The following PALM2AKAP2 variants were observed in gnomAD, a reference collection of about 807,000 sequenced individuals.
PALM2AKAP2 encodes the protein PALM2 and AKAP2 fusion, also known as PALM2-AKAP2 fusion protein.
Under a neutral mutation model 71.5 loss-of-function variants are expected in PALM2AKAP2, and 37 were observed. That is an observed-to-expected ratio of 0.52 (90% CI 0.40 to 0.68). The LOEUF is 0.68. Ranked by LOEUF, PALM2AKAP2 falls within the 30% of genes least tolerant of loss-of-function variation. The pLI, the probability that PALM2AKAP2 is intolerant of heterozygous loss-of-function variation, is 0.00. For synonymous variants in PALM2AKAP2, 468 were observed against 478.8 expected (o/e 0.98, Z 0.29); for missense variants, 1,224 against 1,191.8 (o/e 1.03, Z -0.40).
intron 6 of PALM2AKAP2, among the ~76,000 whole-genome samples, chr9:109,975,740 G>A (rs1178893894): frequency 2.0e-5 from 3 of 152,176 alleles, no homozygotes; most frequent in African/African-American, 7.2e-5. Flanking sequence ...CGAGGGTTAT[G>A]GGCAGAGAAC....
intron 1 of PALM2AKAP2, among the ~76,000 whole-genome samples, chr9:109,811,076 T>C (rs1827715562): frequency 6.6e-6 from 1 of 152,206 alleles, no homozygotes; most frequent in Non-Finnish European, 1.5e-5. Flanking sequence ...GTAATTGATC[T>C]AAGGCAATGC....
intron 1 of PALM2AKAP2, among the ~76,000 whole-genome samples, chr9:109,847,242 A>C (rs10816895): frequency 0.14 from 21,351 of 152,060 alleles, 1,893 homozygotes; most frequent in East Asian, 0.27. Context: ...GTATAGGGAG[A>C]TCTGACAGAT....
intron 2 of PALM2AKAP2, among the ~76,000 whole-genome samples, chr9:109,878,418 T>C (rs928558959): frequency 2.6e-5 from 4 of 152,174 alleles, no homozygotes; most frequent in Non-Finnish European, 5.9e-5. Flanking sequence ...ACTCAAGTCT[T>C]TAAGCCTAAT....
In PALM2AKAP2 at chr9:109,871,321, C is replaced by T. The variant is rs1430642289; in HGVS notation, c.126+3750C>T. On this transcript the variant is annotated intron_variant, in intron 2 of 9. Coordinates refer to the PALM2AKAP2 transcript ENST00000302798. ...AATGGTAAAATACTAACTGCTACAT[C>T]CCAGTGATTAGGAAACCTCAAGATA... 2.0e-5 allele frequency among the ~76,000 whole-genome samples: 3 copies of T among 152,214 alleles called. No homozygotes were observed. The East Asian group carries it at 5.8e-4, about 29-fold the overall frequency.
intron 1 of PALM2AKAP2, among the ~76,000 whole-genome samples, chr9:110,107,462 AAT>A (rs1267968524): frequency 6.6e-6 from 1 of 152,238 alleles, no homozygotes; most frequent in Non-Finnish European, 1.5e-5. Flanking sequence ...TGGAGATGAT[AAT>A]AGTTTTCTTT....
chr9:109,804,352 A>T (rs1049829807), intron 1 of PALM2AKAP2, among the ~76,000 whole-genome samples: 8 of 152,210 alleles, frequency 5.3e-5, no homozygotes, highest in Non-Finnish European at 8.8e-5. Flanking sequence ...ATTGGGGTTC[A>T]TTTAATTAAC....
At chr9:110,091,614 C>CA (rs1436734504) in intron 1 of PALM2AKAP2, among the ~76,000 whole-genome samples, 7 of 151,724 alleles carry the variant, frequency 4.6e-5, no homozygotes, top group Admixed American at 2.6e-4. Flanking sequence ...AGGCGCCTGC[C>CA]TCCACACCCG....
intron 1 of PALM2AKAP2, among the ~76,000 whole-genome samples, chr9:110,055,427 T>A (rs1030267789): frequency 6.6e-6 from 1 of 152,100 alleles, no homozygotes; most frequent in Non-Finnish European, 1.5e-5. Context: ...ATTCCTGACC[T>A]CAGGTGATCT....
chr9:110,026,869 C>A (rs1334350794), intron 7 of PALM2AKAP2, among the ~76,000 whole-genome samples: 1 of 152,008 alleles, frequency 6.6e-6, no homozygotes, highest in Non-Finnish European at 1.5e-5. Flanking sequence ...ATGGTGAAAC[C>A]CCGTCTCTAC....
rs140519102 is a variant in PALM2AKAP2 at position 110,011,961 on chromosome 9, A to T, written c.497-3993A>T. Among the ~76,000 whole-genome samples the T allele has an allele frequency of 9.7e-3, 1,485 of 152,324 alleles. 18 individuals are homozygous for T. The highest frequency in any genetic ancestry group is 0.034 in the African/African-American group (1,428 of 41,562). ...GAATTACATCATGACACAGCATAAT[A>T]AATACTTTAAAATGAATTTGTAAAC... is the stretch of plus-strand genomic sequence containing the variant. On this transcript the variant is annotated intron_variant, in intron 6 of 9. Transcript: ENST00000302798.
At chr9:109,671,135 A>C (rs1405358300) in intron 1 of PALM2AKAP2, among the ~76,000 whole-genome samples, 1 of 152,010 alleles carries the variant, frequency 6.6e-6, no homozygotes, top group African/African-American at 2.4e-5. Context: ...ATTAGATCCC[A>C]CATGTCATTT....
chr9:110,087,169 T>C (rs7864317), intron 1 of PALM2AKAP2, among the ~76,000 whole-genome samples: 43,267 of 152,180 alleles, frequency 0.28, 8,067 homozygotes, highest in African/African-American at 0.53. Flanking sequence ...TACCCCACTT[T>C]AAGACTCAGC....
intron 1 of PALM2AKAP2, among the ~76,000 whole-genome samples, chr9:109,683,434 G>T (rs2118524526): frequency 6.6e-6 from 1 of 152,274 alleles, no homozygotes; most frequent in African/African-American, 2.4e-5. Context: ...CCTGCTACAA[G>T]CCAAGGGACA....
Position 109,880,538 on chromosome 9 carries a change from C to T in PALM2AKAP2, c.127-13C>T, listed in dbSNP as rs759287763. The T allele has an allele frequency of 6.2e-7, 1 of 1,612,102 alleles. No individual in the cohort carries two copies. The highest frequency in any genetic ancestry group is 8.5e-7 in the Non-Finnish European group (1 of 1,179,728). On this transcript the variant is annotated splice_polypyrimidine_tract_variant and intron_variant, in intron 2 of 9. Transcript: ENST00000302798. Reference sequence around the variant, plus strand: ...AGTATCATCTTGTCTGTTGTCTTCCCTCACTTCCACAGTCCAAAGTGCTTC... The same window carrying T: ...AGTATCATCTTGTCTGTTGTCTTCCTTCACTTCCACAGTCCAAAGTGCTTC...
chr9:109,655,948 A>G (rs554651337), intron 1 of PALM2AKAP2, among the ~76,000 whole-genome samples: 1 of 152,308 alleles, frequency 6.6e-6, no homozygotes, highest in South Asian at 2.1e-4. Context: ...ATAAGGGTTA[A>G]TAGATATTTA....
In PALM2AKAP2 at chr9:109,867,162, C is replaced by CTGTGTGTG. The variant is rs747500773; in HGVS notation, c.46-328_46-327insGTGTGTGT. The CTGTGTGTG allele has an allele frequency of 2.9e-5, 11 of 381,452 alleles. No homozygotes were observed. The East Asian group carries it at 3.2e-4, about 11-fold the overall frequency. The allele number at this position is 381,452 out of a possible 1,614,324, so 23.6% of individuals were successfully genotyped here. ...AATTAACACTGCACAGAACATGGTT[C>CTGTGTGTG]TCTGTGTGTGTGTGTGTGTGTGTGT... On this transcript the variant is annotated intron_variant, in intron 1 of 9. Coordinates refer to the PALM2AKAP2 transcript ENST00000302798.
intron 6 of PALM2AKAP2, among the ~76,000 whole-genome samples, chr9:109,987,678 G>A (rs1282529049): frequency 6.6e-6 from 1 of 152,160 alleles, no homozygotes; most frequent in African/African-American, 2.4e-5. Flanking sequence ...CTGTGGTAGG[G>A]CTGCTATGGA....
intron 1 of PALM2AKAP2, among the ~76,000 whole-genome samples, chr9:109,823,481 A>G (rs1828064707): frequency 1.3e-5 from 2 of 152,206 alleles, no homozygotes; most frequent in African/African-American, 4.8e-5. Flanking sequence ...TGGGAGTCAC[A>G]GAGGCAGCTT....
chr9:110,017,870 G>A (rs1201797468), intron 7 of PALM2AKAP2, among the ~76,000 whole-genome samples: 1 of 152,072 alleles, frequency 6.6e-6, no homozygotes, highest in Non-Finnish European at 1.5e-5. Flanking sequence ...TGGGACTACA[G>A]GTGCTGGACA....
Sources: allele counts gnomAD v4.1 joint callset (sites outside exome capture counted in the v4.1 genomes callset), GRCh38; gene constraint gnomAD v4.1.1; transcripts MANE v1.5; gene names NCBI Gene and HGNC (gene_info 2026-07-23, HGNC 2026-07-21).